TNRC6B: variants seen among roughly 807,000 people sequenced by gnomAD.
TNRC6B encodes trinucleotide repeat-containing gene 6B protein.
A neutral mutation model predicts 203.6 loss-of-function variants in TNRC6B; 52 were observed. The observed-to-expected ratio is 0.26, with a 90% CI of 0.20 to 0.32. TNRC6B has a LOEUF of 0.32. Ranked by LOEUF, TNRC6B falls within the 10% of genes least tolerant of loss-of-function variation. The probability of loss-of-function intolerance (pLI) is 1.00; values close to 1 mark genes in which losing one functional copy is unlikely to be tolerated. For synonymous variants in TNRC6B, 838 were observed against 845.7 expected, an observed-to-expected ratio of 0.99 and a Z score of 0.16; for missense variants, 1,923 against 2,286.2, an observed-to-expected ratio of 0.84 and a Z score of 3.24.
chr22:40,329,806 C>T lies in TNRC6B; in HGVS notation c.*6565C>T, dbSNP rs970819833. The T allele has an allele frequency of 1.3e-5, 2 of 152,188 alleles. No individual in the cohort carries two copies. Among genetic ancestry groups the T allele is most frequent in the African/African-American group, 2.4e-5 (1 of 41,446 alleles). The allele number at this position is 152,188 out of a possible 1,614,324, so 9.4% of individuals were successfully genotyped here. ...CTCCTACCGCCACCCAAAAAAGTAACGAAAGTTGCAGTAACTGCCAGTGTT... is the reference window on the plus strand; with the variant it reads ...CTCCTACCGCCACCCAAAAAAGTAATGAAAGTTGCAGTAACTGCCAGTGTT... On this transcript the variant is annotated 3_prime_UTR_variant, in exon 23 of 23. Transcript: ENST00000454349.
rs367663125 is a variant in TNRC6B, at chr22:40,264,702, G to T, written c.472G>T (p.Gly158Cys). 31 of 1,593,754 alleles carry T rather than the reference G, an allele frequency of 1.9e-5. No homozygotes were observed. The highest frequency in any genetic ancestry group is 2.7e-5 in the Non-Finnish European group (31 of 1,169,112). ...CTGTTCCCCAGACTCAACCCTTGGAGGTGCTGCTGCTTCAAATTATGCAAA... is the reference window on the plus strand; with the variant it reads ...CTGTTCCCCAGACTCAACCCTTGGATGTGCTGCTGCTTCAAATTATGCAAA... The part of the protein sequence containing the change: ...SGTAPDSTLG[G>C]AAASNYANST... Residue 158 changes from glycine (G) to cysteine (C), a missense_variant, in exon 5 of 23, where the codon GGT becomes TGT. By Grantham distance (159) the Gly-to-Cys change is radical (BLOSUM62 -3). This residue lies in a region of TNRC6B where 614 missense variants were observed against 587.7 expected (regional missense o/e 1.04). Transcript: ENST00000454349.
chr22:40,101,282 A>G (rs2068238890), intron 1 of TNRC6B, among the ~76,000 whole-genome samples: 1 of 151,622 alleles, frequency 6.6e-6, no homozygotes. Context: ...GTGAGCCACC[A>G]CTCCTGGCCC....
At chr22:40,069,028 C>T (rs1235210692) in intron 1 of TNRC6B, among the ~76,000 whole-genome samples, 1 of 152,074 alleles carries the variant, frequency 6.6e-6, no homozygotes, top group Non-Finnish European at 1.5e-5. Flanking sequence ...AGAGTAAAAA[C>T]CACACTTTAG....
intron 19 of TNRC6B, among the ~76,000 whole-genome samples, chr22:40,314,224 T>A (rs552704612): frequency 6.6e-6 from 1 of 152,336 alleles, no homozygotes; most frequent in Non-Finnish European, 1.5e-5. Flanking sequence ...CTCAGTTATG[T>A]TTCTTAATAA....
intron 3 of TNRC6B, among the ~76,000 whole-genome samples, chr22:40,261,525 C>T (rs937177202): frequency 3.6e-4 from 55 of 151,810 alleles, no homozygotes; most frequent in African/African-American, 1.2e-3. Flanking sequence ...TTGCAGTGAG[C>T]GGAGATTGCA....
In TNRC6B at chr22:40,315,554, G is replaced by A; in HGVS notation, c.4903+47G>A. 8 of 1,585,766 alleles carry A rather than the reference G, an allele frequency of 5.0e-6. No homozygotes were observed. In the East Asian group the frequency reaches 6.7e-5, roughly 13 times the overall value. ...GAACACCATTGTTCATCCACAAGGG[G>A]CTTATGTTAACACAGATGGTGAAGA... On this transcript the variant is annotated intron_variant, in intron 20 of 22. Coordinates refer to ENST00000454349, the MANE Select transcript of TNRC6B (RefSeq NM_001162501.2).
At chr22:40,109,416 C>T (rs900084426) in intron 1 of TNRC6B, among the ~76,000 whole-genome samples, 1 of 152,192 alleles carries the variant, frequency 6.6e-6, no homozygotes, top group Admixed American at 6.5e-5. Flanking sequence ...TAAAAGCGTT[C>T]TTATCTCTCT....
At chr22:40,245,628 G>A (rs2070096446) in intron 1 of TNRC6B, among the ~76,000 whole-genome samples, 6 of 152,084 alleles carry the variant, frequency 3.9e-5, no homozygotes, top group Admixed American at 3.9e-4. Context: ...AATATATTCT[G>A]CATTATCTGT....
At chr22:40,320,342 T>C (rs1233280838) in intron 21 of TNRC6B, among the ~76,000 whole-genome samples, 1 of 151,812 alleles carries the variant, frequency 6.6e-6, no homozygotes, top group African/African-American at 2.4e-5. Context: ...TAGCCGGGAG[T>C]TGTGGTGTGC....
chr22:40,199,129 A>G (rs985692933), intron 1 of TNRC6B, among the ~76,000 whole-genome samples: 4 of 152,162 alleles, frequency 2.6e-5, no homozygotes, highest in African/African-American at 7.2e-5. Flanking sequence ...GTTTATTTCA[A>G]AATTTAAGAA....
In TNRC6B at chr22:40,148,283, C is replaced by CTTTTT. The variant is rs907310952; in HGVS notation, c.46-7817_46-7813dup. ...CTACAACCACGTTGGAAAACAGTTT[C>CTTTTT]TTTTTTTTTTTTTTTTTTTGAGACA... On this transcript the variant is annotated intron_variant, in intron 3 of 23. Transcript: ENST00000301923. Among the ~76,000 whole-genome samples, 3 of 128,780 alleles carry CTTTTT rather than the reference C, an allele frequency of 2.3e-5. No individual in the cohort carries two copies. The East Asian group carries it at 6.6e-4, about 28-fold the overall frequency. The allele number at this position is 128,780 out of a possible 152,430, so 84.5% of individuals were successfully genotyped here.
At chr22:40,253,123 A>C (rs2070218527) in intron 3 of TNRC6B, among the ~76,000 whole-genome samples, 1 of 146,538 alleles carries the variant, frequency 6.8e-6, no homozygotes, top group Admixed American at 6.8e-5. Context: ...TTTGAGGCAG[A>C]GTCTCGCTCT....
At chr22:40,122,938 G>A (rs2068458362) in intron 2 of TNRC6B, among the ~76,000 whole-genome samples, 1 of 152,170 alleles carries the variant, frequency 6.6e-6, no homozygotes, top group Admixed American at 6.6e-5. Context: ...AAGCATTCGG[G>A]TCTGTTGGAC....
chr22:40,313,003 AGT>A lies in TNRC6B; in HGVS notation c.4678+10_4678+11del, dbSNP rs1369452535. The A allele has an allele frequency of 6.2e-7, 1 of 1,611,046 alleles. No homozygotes were observed. Among genetic ancestry groups the A allele is most frequent in the African/African-American group, 1.3e-5 (1 of 74,990 alleles). The stretch of plus-strand genomic sequence containing the variant: ...CAACGTTCATAGCACTTCAGGTATG[AGT>A]GTGAATTTTTTGTTTCCCTTTGGTT... On this transcript the variant is annotated splice_region_variant and intron_variant, in intron 19 of 22. Transcript: ENST00000454349.
intron 1 of TNRC6B, among the ~76,000 whole-genome samples, chr22:40,062,718 T>G (rs573366987): frequency 3.9e-5 from 6 of 152,342 alleles, no homozygotes; most frequent in African/African-American, 1.4e-4. Flanking sequence ...CTAATGATTT[T>G]GAGCACGTTT....
chr22:40,180,174 A>C (rs1343612551), intron 1 of TNRC6B, among the ~76,000 whole-genome samples: 1 of 152,240 alleles, frequency 6.6e-6, no homozygotes, highest in Non-Finnish European at 1.5e-5. Flanking sequence ...GGTAGACCTA[A>C]AGGAAAATCA....
chr22:40,116,869 A>T (rs2068391950), intron 1 of TNRC6B, among the ~76,000 whole-genome samples: 1 of 152,182 alleles, frequency 6.6e-6, no homozygotes, highest in South Asian at 2.1e-4. Context: ...GAACCCTATG[A>T]AGAAGGTGTT....
chr22:40,150,629 C>T (rs4820399), intron 3 of TNRC6B, among the ~76,000 whole-genome samples: 99,633 of 152,008 alleles, frequency 0.66, 33,899 homozygotes, highest in African/African-American at 0.84. Flanking sequence ...AAGGCTGAAC[C>T]TCAGGAAAAG....
intron 1 of TNRC6B, among the ~76,000 whole-genome samples, chr22:40,066,003 A>G (rs2146275838): frequency 6.6e-6 from 1 of 152,190 alleles, no homozygotes; most frequent in African/African-American, 2.4e-5. Context: ...TCTCCTACAG[A>G]TCTCTGGAGT....
Sources: gnomAD v4.1 joint callset for allele counts (sites outside exome capture counted in the v4.1 genomes callset) on GRCh38, gnomAD v4.1.1 for gene constraint, gnomAD v4.1.1 regional missense constraint, MANE v1.5 for transcripts, NCBI Gene and HGNC (gene_info 2026-07-23, HGNC 2026-07-21) for gene names.